Variants in CAPRIN1 observed in about 807,000 individuals in gnomAD.
CAPRIN1 encodes the protein caprin-1.
In CAPRIN1, 29 loss-of-function variants were observed where a neutral mutation model predicts 100.9. The observed-to-expected ratio is 0.29, with a 90% CI of 0.21 to 0.39. CAPRIN1 has a LOEUF of 0.39. Among genes scored for constraint, CAPRIN1 ranks in the 10% least tolerant of loss-of-function variants. The pLI is 1.00. For missense variants in CAPRIN1, 795 were observed against 876.7 expected (o/e 0.91, Z 1.18); for synonymous variants, 338 against 307.5 (o/e 1.10, Z -1.04).
At chr11:34,052,711 G>A (rs1590714036) in intron 2 of CAPRIN1, 75 bp downstream of exon 2, 6 of 1,485,194 alleles carry the variant, frequency 4.0e-6, no homozygotes, top group East Asian at 2.5e-5. Flanking sequence ...GGTCGCTGGA[G>A]CCTTCGCTTC....
At chr11:34,053,520 G>T (rs1372709321) in intron 2 of CAPRIN1, 1 of 151,968 alleles carries the variant, frequency 6.6e-6, no homozygotes, top group African/African-American at 2.4e-5. Context: ...GAGCTGCATT[G>T]TGAGCACAAA....
At chr11:34,093,693 G>A (rs1851307721) in intron 15 of CAPRIN1, among the ~76,000 whole-genome samples, 1 of 151,964 alleles carries the variant, frequency 6.6e-6, no homozygotes, top group Non-Finnish European at 1.5e-5. Context: ...AAAAACTAGT[G>A]GTGTGATCAC....
In CAPRIN1 at chr11:34,052,651, CG is replaced by C. The variant is rs1387697956; in HGVS notation, c.216+19del. The C allele has an allele frequency of 6.9e-6, 11 of 1,593,098 alleles. No individual in the cohort carries two copies. Among genetic ancestry groups the C allele is most frequent in the Non-Finnish European group, 7.7e-6 (9 of 1,169,568 alleles). The stretch of plus-strand genomic sequence containing the variant: ...AGAAGAAAAAGGTGCCAGGAGTTGG[CG>C]GGGAAGGGAGGGGTGGCTGCGGCCG... On this transcript the variant is annotated intron_variant, in intron 2 of 18. Coordinates refer to ENST00000341394, the MANE Select transcript of CAPRIN1 (RefSeq NM_005898.5).
chr11:34,056,081 C>G (rs1203546121), intron 2 of CAPRIN1, among the ~76,000 whole-genome samples: 1 of 152,128 alleles, frequency 6.6e-6, no homozygotes, highest in Admixed American at 6.6e-5. Context: ...CTTTACAAAT[C>G]AGTTTTGAAT....
At chr11:34,066,649 A>AT (rs1320622744) in intron 2 of CAPRIN1, among the ~76,000 whole-genome samples, 6 of 121,544 alleles carry the variant, frequency 4.9e-5, no homozygotes, top group African/African-American at 1.6e-4. Flanking sequence ...TTATTTATTT[A>AT]TTTTTTTGAG....
chr11:34,073,411 G>C (rs1351295800), intron 4 of CAPRIN1, among the ~76,000 whole-genome samples: 1 of 152,188 alleles, frequency 6.6e-6, no homozygotes, highest in Non-Finnish European at 1.5e-5. Flanking sequence ...GCTTAGAACA[G>C]TATTTGATGC....
intron 16 of CAPRIN1, 58 bp downstream of exon 16, chr11:34,096,731 A>G (rs1282209678): frequency 3.7e-6 from 5 of 1,339,998 alleles, no homozygotes; most frequent in Non-Finnish European, 5.2e-6. Context: ...TTATTTTTTG[A>G]TTTGTAAAAT....
intron 4 of CAPRIN1, 64 bp from the exon 5 acceptor site, chr11:34,076,172 G>A: frequency 3.4e-6 from 4 of 1,179,796 alleles, no homozygotes; most frequent in Non-Finnish European, 3.7e-6. Flanking sequence ...AGCTGGACCT[G>A]AAATGGATTG....
intron 2 of CAPRIN1, among the ~76,000 whole-genome samples, chr11:34,058,729 T>A (rs1850508910): frequency 2.0e-5 from 3 of 152,234 alleles, no homozygotes; most frequent in Non-Finnish European, 4.4e-5. Context: ...ACATCCATAT[T>A]GTAATGAAAT....
chr11:34,095,442 GCTCT>G (rs1319732496), intron 15 of CAPRIN1, among the ~76,000 whole-genome samples: 15 of 152,192 alleles, frequency 9.9e-5, no homozygotes, highest in Admixed American at 9.2e-4. Context: ...AGGAGCAGTG[GCTCT>G]CTCTTTTTCT....
intron 2 of CAPRIN1, chr11:34,056,607 C>G (rs1290819374): frequency 2.0e-5 from 3 of 147,436 alleles, no homozygotes; most frequent in African/African-American, 4.9e-5. Flanking sequence ...GCCTAGTTTT[C>G]TTTATCAGTT....
At chr11:34,057,918 C>G (rs1023981887) in intron 2 of CAPRIN1, among the ~76,000 whole-genome samples, 2 of 151,352 alleles carry the variant, frequency 1.3e-5, no homozygotes, top group Non-Finnish European at 2.9e-5. Flanking sequence ...TGGGATTTCA[C>G]CATGTTGGCC....
chr11:34,071,506 A>G (rs563154408), intron 2 of CAPRIN1, among the ~76,000 whole-genome samples: 2 of 152,318 alleles, frequency 1.3e-5, no homozygotes, highest in East Asian at 3.9e-4. Context: ...CAGAGGTTGC[A>G]TTGAGACAAG....
chr11:34,084,560 T>C (rs1851100632), intron 9 of CAPRIN1, among the ~76,000 whole-genome samples: 1 of 152,172 alleles, frequency 6.6e-6, no homozygotes. Context: ...CATACTCAAG[T>C]TGTGCCATGT....
chr11:34,090,675 A>G lies in CAPRIN1; in HGVS notation c.1551A>G (p.Gln517=). ...NVNAAPFQSM[Q]TVFNMNAPVP... The stretch of plus-strand genomic sequence containing the variant: ...ATGCAGCTCCATTCCAATCCATGCA[A>G]ACGGTAAGCAAATTAACTAACATTA... The change falls in exon 14 of 19, where the codon CAA becomes CAG. Residue 517 remains glutamine (Q), a synonymous_variant. Coordinates refer to ENST00000341394, the MANE Select transcript of CAPRIN1 (RefSeq NM_005898.5). 6.2e-7 allele frequency: 1 copy of G among 1,612,116 alleles called. No homozygotes were observed. The highest frequency in any genetic ancestry group is 1.3e-5 in the African/African-American group (1 of 75,036).
At chr11:34,052,210 G>C in intron 1 of CAPRIN1, 2 of 172,692 alleles carry the variant, frequency 1.2e-5, no homozygotes, top group Non-Finnish European at 2.4e-5. Context: ...TCGGGGGGCG[G>C]TGCGAGGCCC....
intron 2 of CAPRIN1, chr11:34,053,228 G>C: frequency 1.2e-6 from 1 of 866,446 alleles, no homozygotes; most frequent in Non-Finnish European, 1.4e-6. Context: ...ATGGGTCTTC[G>C]ATTTGCTACC....
chr11:34,064,188 G>A (rs905944843), intron 2 of CAPRIN1, among the ~76,000 whole-genome samples: 1 of 152,160 alleles, frequency 6.6e-6, no homozygotes. Context: ...GCTGCTGTTA[G>A]CCATGTTCCA....
Position 34,086,180 on chromosome 11 carries a change from C to A in CAPRIN1, c.1083C>A (p.Asp361Glu). The change falls in exon 10 of 19, where the codon GAC becomes GAA. Residue 361 changes from aspartate (D) to glutamate (E), a missense_variant. Asp to Glu is a conservative substitution (Grantham distance 45, BLOSUM62 2). Coordinates refer to ENST00000341394, the MANE Select transcript of CAPRIN1 (RefSeq NM_005898.5). ...TTGTGAGAAGACAGCGAGTACAAGA[C>A]CTTATGGCACAAATGCAGGGTCCCT... is the stretch of plus-strand genomic sequence containing the variant. ...DPLVRRQRVQ[D>E]LMAQMQGPYN... The A allele has an allele frequency of 6.2e-7, 1 of 1,614,104 alleles. No homozygotes were observed. Among genetic ancestry groups the A allele is most frequent in the Non-Finnish European group, 8.5e-7 (1 of 1,179,986 alleles).
Sources: allele counts gnomAD v4.1 joint callset (sites outside exome capture counted in the v4.1 genomes callset), GRCh38; gene constraint gnomAD v4.1.1; transcripts MANE v1.5; gene names NCBI Gene and HGNC (gene_info 2026-07-23, HGNC 2026-07-21).